CCDC178: variants seen among roughly 807,000 people sequenced by gnomAD.
CCDC178 encodes the protein coiled-coil domain containing 178.
A neutral mutation model predicts 117.4 loss-of-function variants in CCDC178; 126 were observed. That is an observed-to-expected ratio of 1.07 (90% confidence interval 0.93 to 1.24). The LOEUF (loss-of-function observed/expected upper bound fraction) is 1.24. Ranked by LOEUF, CCDC178 falls within the 50% of genes most tolerant of loss-of-function variation. The pLI is 0.00. For missense variants in CCDC178, 1,030 were observed against 986.9 expected, an observed-to-expected ratio of 1.04 and a Z score of -0.59; for synonymous variants, 283 against 313.4, an observed-to-expected ratio of 0.90 and a Z score of 1.02.
chr18:33,072,861 C>A (rs140242265), intron 21 of CCDC178, among the ~76,000 whole-genome samples: 2 of 152,202 alleles, frequency 1.3e-5, no homozygotes, highest in Non-Finnish European at 2.9e-5. Context: ...CCCATCTTGG[C>A]CTCTCGAACT....
chr18:33,045,354 A>G (rs779929824), intron 21 of CCDC178, among the ~76,000 whole-genome samples: 9 of 152,126 alleles, frequency 5.9e-5, no homozygotes, highest in Non-Finnish European at 1.0e-4. Context: ...TAGGCCCGAG[A>G]GCTAGATTTT....
At chr18:32,956,260 G>C (rs1220264484) in intron 22 of CCDC178, among the ~76,000 whole-genome samples, 2 of 152,084 alleles carry the variant, frequency 1.3e-5, no homozygotes, top group Non-Finnish European at 2.9e-5. Context: ...GTAAATTTAA[G>C]TGCATTCTGG....
At chr18:33,390,218 C>T (rs905952832) in intron 4 of CCDC178, among the ~76,000 whole-genome samples, 1 of 151,578 alleles carries the variant, frequency 6.6e-6, no homozygotes, top group East Asian at 1.9e-4. Flanking sequence ...TTTTATTTTA[C>T]AGTCTCTGAG....
rs1327454529 is a variant in CCDC178, at chr18:33,379,503, T to A, written c.209-9314A>T. ...TGGAGTATACAGTCTGAGTTCCCTC[T>A]AGATGGGCAGGACACTCTGGCAGGT... is the stretch of plus-strand genomic sequence containing the variant. On this transcript the variant is annotated intron_variant, in intron 5 of 22. Coordinates refer to ENST00000383096, the MANE Select transcript of CCDC178 (RefSeq NM_001105528.4). Among the ~76,000 whole-genome samples the A allele has an allele frequency of 3.9e-5, 6 of 152,054 alleles. No individual in the cohort carries two copies. The East Asian group carries it at 1.2e-3, about 29-fold the overall frequency.
chr18:33,167,139 C>T (rs574078642), intron 20 of CCDC178, among the ~76,000 whole-genome samples: 42 of 152,258 alleles, frequency 2.8e-4, no homozygotes, highest in Admixed American at 1.6e-3. Context: ...CATAGTATTC[C>T]GTGGTGAATA....
intron 14 of CCDC178, among the ~76,000 whole-genome samples, chr18:33,245,675 T>C (rs1165751376): frequency 6.6e-6 from 1 of 151,838 alleles, no homozygotes; most frequent in East Asian, 1.9e-4. Flanking sequence ...AAGAAAGGCT[T>C]GGGGAATCCG....
At chr18:32,997,782 A>G (rs988999414) in intron 21 of CCDC178, among the ~76,000 whole-genome samples, 2 of 152,166 alleles carry the variant, frequency 1.3e-5, no homozygotes, top group African/African-American at 4.8e-5. Context: ...ATCCTGACCA[A>G]AACAGCAGGT....
intron 12 of CCDC178, among the ~76,000 whole-genome samples, chr18:33,289,789 A>C (rs1179536927): frequency 6.6e-6 from 1 of 152,196 alleles, no homozygotes; most frequent in South Asian, 2.1e-4. Flanking sequence ...GAAAATTAGT[A>C]AATAAGATAT....
chr18:33,316,520 C>T (rs1205811689), intron 11 of CCDC178, among the ~76,000 whole-genome samples: 4 of 152,086 alleles, frequency 2.6e-5, no homozygotes, highest in Admixed American at 1.3e-4. Flanking sequence ...ACGAGCGCCG[C>T]CCCCTGCTGG....
chr18:33,387,326 T>C (rs1426453606), intron 5 of CCDC178, among the ~76,000 whole-genome samples: 2 of 152,116 alleles, frequency 1.3e-5, no homozygotes, highest in African/African-American at 4.8e-5. Flanking sequence ...TAAACTACCA[T>C]TGACATTCAT....
At chr18:33,019,588 A>G (rs2056068768) in intron 21 of CCDC178, among the ~76,000 whole-genome samples, 1 of 152,166 alleles carries the variant, frequency 6.6e-6, no homozygotes, top group African/African-American at 2.4e-5. Context: ...AAAACAAAAA[A>G]TCATTTATTG....
intron 21 of CCDC178, among the ~76,000 whole-genome samples, chr18:33,036,211 T>A (rs968574162): frequency 2.6e-5 from 4 of 151,954 alleles, no homozygotes; most frequent in African/African-American, 9.7e-5. Context: ...TTAAAGATAG[T>A]AATATGTAGT....
chr18:33,407,185 C>T (rs1006050706), intron 3 of CCDC178, among the ~76,000 whole-genome samples: 1 of 152,250 alleles, frequency 6.6e-6, no homozygotes, highest in South Asian at 2.1e-4. Context: ...CCTGCTTCAA[C>T]TGTACTTGAG....
intron 20 of CCDC178, among the ~76,000 whole-genome samples, chr18:33,192,021 CTA>C (rs1444193961): frequency 4.6e-5 from 7 of 152,072 alleles, no homozygotes; most frequent in Non-Finnish European, 1.0e-4. Flanking sequence ...ATGTTTAAAA[CTA>C]TATTTAGCCA....
chr18:32,990,233 T>C (rs2055361047), intron 21 of CCDC178, among the ~76,000 whole-genome samples: 1 of 152,118 alleles, frequency 6.6e-6, no homozygotes. Context: ...TCATCAACAG[T>C]GCACTTTAGG....
intron 17 of CCDC178, among the ~76,000 whole-genome samples, chr18:33,224,282 T>G (rs1452870390): frequency 1.3e-5 from 2 of 152,168 alleles, no homozygotes; most frequent in Non-Finnish European, 2.9e-5. Flanking sequence ...TTCGACTAAA[T>G]TTTTCTTTGG....
At chr18:33,269,242 G>T (rs1476961706) in intron 12 of CCDC178, among the ~76,000 whole-genome samples, 2 of 151,804 alleles carry the variant, frequency 1.3e-5, no homozygotes, top group Admixed American at 6.6e-5. Flanking sequence ...GTGGCCACCT[G>T]AGATTGTGGC....
intron 11 of CCDC178, among the ~76,000 whole-genome samples, chr18:33,310,149 T>C (rs1420254040): frequency 6.6e-6 from 1 of 151,868 alleles, no homozygotes; most frequent in Admixed American, 6.6e-5. Context: ...TTACTAGAGA[T>C]GGGGTTTCAC....
chr18:33,299,773 G>GAAAAAAAAAAAAACAAAAAAAAAAA (rs71159813), intron 11 of CCDC178, among the ~76,000 whole-genome samples: 1 of 141,424 alleles, frequency 7.1e-6, no homozygotes, highest in Non-Finnish European at 1.5e-5. Flanking sequence ...CATCTCAACA[G>GAAAAAAAAAAAAACAAAAAAAAAAA]AAAAAAAAAA....
Sources: gnomAD v4.1 joint callset for allele counts (sites outside exome capture counted in the v4.1 genomes callset) on GRCh38, gnomAD v4.1.1 for gene constraint, MANE v1.5 for transcripts, NCBI Gene and HGNC (gene_info 2026-07-23, HGNC 2026-07-21) for gene names.